Variants in MGST1 observed in about 807,000 individuals in gnomAD.
MGST1 encodes microsomal glutathione S-transferase 1.
MGST1 carries 5 observed loss-of-function variants against 8.9 expected under a neutral mutation model. The observed-to-expected ratio is 0.56, with a 90% confidence interval of 0.29 to 1.19. The LOEUF (loss-of-function observed/expected upper bound fraction) is 1.19, where lower values mean the gene tolerates loss of function less well. Among genes scored for constraint, MGST1 ranks in the 50% most tolerant of loss-of-function variants. The pLI is 0.08. For missense variants in MGST1, 182 were observed against 187.4 expected (o/e 0.97, Z 0.17); for synonymous variants, 54 against 67.8 (o/e 0.80, Z 1.00).
intron 4 of MGST1, among the ~76,000 whole-genome samples, chr12:16,564,414 T>A (rs1282466859): frequency 6.6e-6 from 1 of 152,212 alleles, no homozygotes; most frequent in Non-Finnish European, 1.5e-5. Context: ...GCAAGCAAAC[T>A]CTTTATGGTT....
chr12:16,522,680 T>C (rs1466843330), intron 4 of MGST1, among the ~76,000 whole-genome samples: 1 of 152,106 alleles, frequency 6.6e-6, no homozygotes, highest in African/African-American at 2.4e-5. Flanking sequence ...GAGAAGATTA[T>C]TTTTCCTGGG....
intron 4 of MGST1, among the ~76,000 whole-genome samples, chr12:16,450,027 A>C (rs968157102): frequency 1.3e-5 from 2 of 151,720 alleles, no homozygotes; most frequent in Non-Finnish European, 2.9e-5. Context: ...CTGAGTAAAG[A>C]CTCTCCATTT....
rs537202789 is a variant in MGST1, at chr12:16,533,026, C to T, written n.483-56502C>T. On this transcript the variant is annotated intron_variant and non_coding_transcript_variant, in intron 4 of 4. Coordinates refer to the MGST1 transcript ENST00000538857. Reference sequence around the variant, plus strand: ...CATGTGAGCATAGCTTGGGACCTTTCGCCTTCACAGAACCTCCCTCTTCCT... The same window carrying T: ...CATGTGAGCATAGCTTGGGACCTTTTGCCTTCACAGAACCTCCCTCTTCCT... Among the ~76,000 whole-genome samples the T allele has an allele frequency of 1.7e-4, 26 of 152,262 alleles. 1 individual carries two copies. The highest frequency in any genetic ancestry group is 4.1e-4 in the African/African-American group (17 of 41,550).
chr12:16,470,797 A>G (rs1295455909), intron 4 of MGST1, among the ~76,000 whole-genome samples: 3 of 152,046 alleles, frequency 2.0e-5, no homozygotes, highest in African/African-American at 7.3e-5. Flanking sequence ...AATAAACTCA[A>G]ATAAAAAATA....
At position 16,503,062 on chromosome 12, in the gene MGST1, G is replaced by A. The variant is rs144805086; in HGVS notation, n.483-86466G>A. On this transcript the variant is annotated intron_variant and non_coding_transcript_variant, in intron 4 of 4. Transcript: ENST00000538857. This position sits in a 1 kb window ranked among gnomAD's most constrained non-coding sequence, Gnocchi z 4.8. ...ATGACAAGTCAAATACAATCTCTGAGGGTGGAAGATGCAGGGTGAGGTTTC... is the reference window on the plus strand; with the variant it reads ...ATGACAAGTCAAATACAATCTCTGAAGGTGGAAGATGCAGGGTGAGGTTTC... Among the ~76,000 whole-genome samples, 1,067 of 152,284 alleles carry A rather than the reference G, an allele frequency of 7.0e-3. 13 individuals carry two copies. The highest frequency in any genetic ancestry group is 0.024 in the African/African-American group (996 of 41,548).
At chr12:16,399,744 C>T in intron 1 of MGST1, 1 of 1,157,576 alleles carries the variant, frequency 8.6e-7, no homozygotes, top group South Asian at 1.2e-5. Context: ...GGACTGTACT[C>T]CTTCTGTGTA....
intron 4 of MGST1, among the ~76,000 whole-genome samples, chr12:16,486,947 C>A (rs1336519023): frequency 6.6e-6 from 1 of 152,082 alleles, no homozygotes; most frequent in Non-Finnish European, 1.5e-5. Flanking sequence ...TCTTCCAGGC[C>A]GCGACTGTTT....
At chr12:16,433,338 C>T (rs911897505) in intron 1 of MGST1, among the ~76,000 whole-genome samples, 1 of 152,052 alleles carries the variant, frequency 6.6e-6, no homozygotes. Context: ...GCAACACCCT[C>T]ACAGACACAC....
intron 1 of MGST1, among the ~76,000 whole-genome samples, chr12:16,420,013 T>C (rs1940820354): frequency 6.6e-6 from 1 of 152,152 alleles, no homozygotes; most frequent in Non-Finnish European, 1.5e-5. Flanking sequence ...CTAAAAGCAG[T>C]TTGATTCTAG....
At chr12:16,480,695 T>G (rs1258495391) in intron 4 of MGST1, among the ~76,000 whole-genome samples, 10 of 152,212 alleles carry the variant, frequency 6.6e-5, no homozygotes, top group Non-Finnish European at 1.3e-4. Context: ...AAATGTTTTC[T>G]GTAAGGGATC....
intron 4 of MGST1, among the ~76,000 whole-genome samples, chr12:16,505,160 C>G (rs2137172399): frequency 6.6e-6 from 1 of 152,292 alleles, no homozygotes; most frequent in Middle Eastern, 3.4e-3. Flanking sequence ...GGATAACTCT[C>G]ACATCTAAAA....
At chr12:16,578,818 A>AAACAACAACAACAAC (rs201327858) in intron 4 of MGST1, among the ~76,000 whole-genome samples, 11 of 141,044 alleles carry the variant, frequency 7.8e-5, no homozygotes, top group African/African-American at 2.5e-4. Context: ...ATTCTGTCTC[A>AAACAACAACAACAAC]AACAACAACA....
rs554100295 is a variant in MGST1, at chr12:16,369,634, T to C, written c.222-6488T>C. The C allele has an allele frequency of 6.6e-6, 1 of 152,328 alleles. No homozygotes were observed. Among genetic ancestry groups the C allele is most frequent in the South Asian group, 2.1e-4 (1 of 4,828 alleles). 9.4% of individuals were successfully genotyped at this position (152,328 alleles called of 1,614,324 possible). ...GCAGCAGTACTTACTTATTTTTATA[T>C]TTCCTGCAACTGCTTTTGTGTCACA... On this transcript the variant is annotated intron_variant, in intron 3 of 3. Coordinates refer to the MGST1 transcript ENST00000535309. The surrounding 1 kb of genome is among the most constrained non-coding windows in gnomAD (Gnocchi z 4.8).
rs1940140425 is a variant in MGST1, at chr12:16,364,288, A to G, written c.*247A>G. The G allele has an allele frequency of 8.6e-7, 1 of 1,165,742 alleles. No individual in the cohort carries two copies. Among genetic ancestry groups the G allele is most frequent in the Non-Finnish European group, 1.1e-6 (1 of 942,872 alleles). The allele number at this position is 1,165,742 out of a possible 1,614,324, so 72.2% of individuals were successfully genotyped here. A position where few individuals can be genotyped will look rare whatever the true frequency, so the allele number is the denominator to read the frequency against. On this transcript the variant is annotated 3_prime_UTR_variant, in exon 4 of 4. Transcript: ENST00000396210. This position sits in a 1 kb window ranked among gnomAD's most constrained non-coding sequence, Gnocchi z 5.7. ...AAGTACTTTCTTATAAATTTGGATC[A>G]TGTTATGATTTGTAACATTCACACA...
In MGST1 at chr12:16,584,591, G is replaced by T. The variant is rs556007557; in HGVS notation, n.483-4937G>T. On this transcript the variant is annotated intron_variant and non_coding_transcript_variant, in intron 4 of 4. Transcript: ENST00000538857. The surrounding 1 kb of genome is among the most constrained non-coding windows in gnomAD (Gnocchi z 5.2). Reference sequence around the variant, plus strand: ...ACATTGGCAAGTGGAGGAGTGGGGGGGGTAAGAGGCCTGTTTAGAGGTGGA... The same window carrying T: ...ACATTGGCAAGTGGAGGAGTGGGGGTGGTAAGAGGCCTGTTTAGAGGTGGA... Among the ~76,000 whole-genome samples the T allele has an allele frequency of 1.1e-3, 162 of 152,254 alleles. No homozygotes were observed. Among genetic ancestry groups the T allele is most frequent in the African/African-American group, 3.3e-3 (139 of 41,552 alleles).
chr12:16,478,234 T>C (rs899334608), intron 4 of MGST1, among the ~76,000 whole-genome samples: 2 of 152,172 alleles, frequency 1.3e-5, no homozygotes, highest in African/African-American at 4.8e-5. Context: ...TTCACCATGT[T>C]GGCCAAGATG....
At chr12:16,399,397 G>A in intron 1 of MGST1, 1 of 1,513,542 alleles carries the variant, frequency 6.6e-7, no homozygotes, top group Non-Finnish European at 9.2e-7. Flanking sequence ...CTTCGACTTT[G>A]TTCTTCTTCT....
chr12:16,426,015 T>C (rs1290718754), intron 1 of MGST1, among the ~76,000 whole-genome samples: 1 of 152,202 alleles, frequency 6.6e-6, no homozygotes, highest in East Asian at 1.9e-4. Flanking sequence ...TATAATACAA[T>C]AGACTCCTTA....
At chr12:16,536,720 T>C (rs1489129298) in intron 4 of MGST1, among the ~76,000 whole-genome samples, 1 of 151,934 alleles carries the variant, frequency 6.6e-6, no homozygotes, top group East Asian at 1.9e-4. Flanking sequence ...ATGAGGAAGA[T>C]GCAAAAGCAG....
Sources: gnomAD v4.1 joint callset for allele counts (sites outside exome capture counted in the v4.1 genomes callset) on GRCh38, gnomAD v4.1.1 for gene constraint, Gnocchi (gnomAD v3.1) non-coding constraint, MANE v1.5 for transcripts, NCBI Gene and HGNC (gene_info 2026-07-23, HGNC 2026-07-21) for gene names.